The following DCAF8L2 variants were observed in gnomAD, a reference collection of about 807,000 sequenced individuals.
The protein encoded by DCAF8L2 is DDB1 and CUL4 associated factor 8 like 2.
For synonymous variants in DCAF8L2, 200 were observed against 190.9 expected (o/e 1.05, Z -0.39); for missense variants, 430 against 490.7 (o/e 0.88, Z 1.17).
chrX:27,579,708 A>T, the DCAF8L2 span, among the ~76,000 whole-genome samples: 1 of 107,806 alleles, frequency 9.3e-6, no homozygotes, highest in South Asian at 4.0e-4. Context: ...CTCTCTTTTC[A>T]GACTTTCTAT....
At chrX:27,556,437 G>T in the DCAF8L2 span, among the ~76,000 whole-genome samples, 2 of 111,431 alleles carry the variant, frequency 1.8e-5, no homozygotes, top group African/African-American at 6.5e-5. Flanking sequence ...GATTGACTTT[G>T]CAAACTTACT....
At chrX:27,621,044 C>T (rs1927732922) in intron 1 of DCAF8L2, among the ~76,000 whole-genome samples, 1 of 111,989 alleles carries the variant, frequency 8.9e-6, no homozygotes, top group Non-Finnish European at 1.9e-5. Flanking sequence ...AGACATAATA[C>T]TAAGTGGAAG....
At chrX:27,577,899 A>G in the DCAF8L2 span, among the ~76,000 whole-genome samples, 47,759 of 110,521 alleles carry the variant, frequency 0.43, 8,713 homozygotes, top group South Asian at 0.69. Context: ...AAAATCAGAG[A>G]GGACTCAAGT....
intron 2 of DCAF8L2, among the ~76,000 whole-genome samples, chrX:27,656,946 G>T (rs1222339997): frequency 1.8e-5 from 2 of 111,187 alleles, no homozygotes; most frequent in Non-Finnish European, 3.8e-5. Context: ...TGAGGGTGTT[G>T]CCAAAGGAGA....
At chrX:27,513,916 A>C in the DCAF8L2 span, among the ~76,000 whole-genome samples, 1 of 111,991 alleles carries the variant, frequency 8.9e-6, no homozygotes, top group East Asian at 2.8e-4. Flanking sequence ...CCATTGAGAA[A>C]GGAGAACTCT....
At chrX:27,587,985 AAT>A (rs202098791), upstream of DCAF8L2, among the ~76,000 whole-genome samples, 878 of 22,319 alleles carry the variant, frequency 0.039, 11 homozygotes, top group African/African-American at 0.08. Flanking sequence ...TAAAAAAAAA[AAT>A]ATATATATAT....
At position 27,739,012 on chromosome X, in the gene DCAF8L2, T is replaced by A. The variant is rs1205488772; in HGVS notation, c.-58-7826T>A. ...GTTTTCTCTCCCCTATTTAAGACTTTCAGAAATTTCTCCTGTCCTCCCTGC... is the reference window on the plus strand; with the variant it reads ...GTTTTCTCTCCCCTATTTAAGACTTACAGAAATTTCTCCTGTCCTCCCTGC... On this transcript the variant is annotated intron_variant, in intron 4 of 4. Coordinates refer to ENST00000451261, the MANE Select transcript of DCAF8L2 (RefSeq NM_001353450.2). Among the ~76,000 whole-genome samples the A allele has an allele frequency of 4.5e-5, 5 of 110,946 alleles. No individual in the cohort carries two copies. In the East Asian group the frequency reaches 1.4e-3, roughly 32 times the overall value.
chrX:27,517,698 C>T, the DCAF8L2 span: 105 of 882,415 alleles, frequency 1.2e-4, no homozygotes, highest in Non-Finnish European at 1.5e-4. Context: ...CCACCGTATC[C>T]GCAAAGGCCT....
At chrX:27,746,169 T>G (rs915918568) in intron 4 of DCAF8L2, among the ~76,000 whole-genome samples, 3 of 112,181 alleles carry the variant, frequency 2.7e-5, no homozygotes, top group Non-Finnish European at 5.6e-5. Context: ...GGACACCATG[T>G]TAAATTTGAA....
intron 3 of DCAF8L2, among the ~76,000 whole-genome samples, chrX:27,704,197 T>G (rs995214367): frequency 1.5e-5 from 1 of 64,888 alleles, no homozygotes; most frequent in Non-Finnish European, 3.0e-5. Flanking sequence ...CACATATGTA[T>G]ATACACATGT....
chrX:27,684,730 G>A (rs1386700635), intron 3 of DCAF8L2, among the ~76,000 whole-genome samples: 1 of 111,426 alleles, frequency 9.0e-6, no homozygotes, highest in Non-Finnish European at 1.9e-5. Context: ...CATCTTTGAT[G>A]TGAACTAAAT....
the DCAF8L2 span, among the ~76,000 whole-genome samples, chrX:27,501,055 A>G: frequency 8.1e-5 from 9 of 111,259 alleles, no homozygotes; most frequent in Non-Finnish European, 1.5e-4. Flanking sequence ...TATGAGGACA[A>G]TCATTGAGTT....
At chrX:27,660,573 C>A (rs1929522624) in intron 2 of DCAF8L2, among the ~76,000 whole-genome samples, 1 of 111,699 alleles carries the variant, frequency 9.0e-6, no homozygotes, top group African/African-American at 3.3e-5. Flanking sequence ...CCTGTGGAGG[C>A]TGTGGAGTGA....
At chrX:27,584,215 C>G in the DCAF8L2 span, among the ~76,000 whole-genome samples, 6 of 111,549 alleles carry the variant, frequency 5.4e-5, no homozygotes, top group Non-Finnish European at 9.4e-5. Flanking sequence ...ATACTATTTG[C>G]TACTTCATGA....
chrX:27,547,820 G>GCT, the DCAF8L2 span, among the ~76,000 whole-genome samples: 1,485 of 66,552 alleles, frequency 0.022, 42 homozygotes, highest in African/African-American at 0.071. Flanking sequence ...TTCCCCATTT[G>GCT]CTCTCTCTCT....
At chrX:27,533,781 G>C in the DCAF8L2 span, among the ~76,000 whole-genome samples, 92 of 112,567 alleles carry the variant, frequency 8.2e-4, 1 homozygote, top group African/African-American at 2.6e-3. Context: ...AAGGAAATGC[G>C]TGAGACAGAA....
chrX:27,741,567 T>A (rs762455044), intron 4 of DCAF8L2, among the ~76,000 whole-genome samples: 1 of 111,494 alleles, frequency 9.0e-6, no homozygotes, highest in South Asian at 3.8e-4. Flanking sequence ...CTGTTCTGGA[T>A]AAAACAAAGT....
the DCAF8L2 span, among the ~76,000 whole-genome samples, chrX:27,572,502 A>T: frequency 8.9e-6 from 1 of 112,215 alleles, no homozygotes; most frequent in Non-Finnish European, 1.9e-5. Flanking sequence ...CATAGGATAA[A>T]TAAGAGTTCT....
intron 4 of DCAF8L2, among the ~76,000 whole-genome samples, chrX:27,742,294 C>A (rs974678355): frequency 8.1e-5 from 9 of 111,629 alleles, no homozygotes; most frequent in African/African-American, 2.6e-4. Flanking sequence ...TCTAGCCAGG[C>A]ATGGTGGCTC....
Sources: gnomAD v4.1 joint callset for allele counts (sites outside exome capture counted in the v4.1 genomes callset) on GRCh38, gnomAD v4.1.1 for gene constraint, MANE v1.5 for transcripts, NCBI Gene and HGNC (gene_info 2026-07-23, HGNC 2026-07-21) for gene names.